AGAP5: variants seen among roughly 807,000 people sequenced by gnomAD.
AGAP5 encodes arf-GAP with GTPase, ANK repeat and PH domain-containing protein 5.
A neutral mutation model predicts 27.7 loss-of-function variants in AGAP5; 8 were observed. The observed-to-expected ratio is 0.29, with a 90% CI of 0.17 to 0.52. The LOEUF (loss-of-function observed/expected upper bound fraction) is 0.52. Ranked by LOEUF, AGAP5 falls within the 20% of genes least tolerant of loss-of-function variation. The pLI, the probability that AGAP5 is intolerant of heterozygous loss-of-function variation, is 0.97. For synonymous variants in AGAP5, 111 were observed against 338.0 expected (o/e 0.33, Z 7.37); for missense variants, 285 against 880.8 (o/e 0.32, Z 8.56).
chr10:73,694,445 TA>T (rs2082144436), intron 3 of AGAP5, among the ~76,000 whole-genome samples: 1 of 152,178 alleles, frequency 6.6e-6, no homozygotes, highest in Non-Finnish European at 1.5e-5. Context: ...CCATTAATTA[TA>T]AATAAAGATA....
In AGAP5 at chr10:73,697,962, T is replaced by C. The variant is rs1282266481; in HGVS notation, c.-207A>G. ...CTGCGGGTCAAGGCCCACACCCTGC[T>C]GCCTCCCCTGAGTTGACTTGTCTGG... On this transcript the variant is annotated 5_prime_UTR_variant, in exon 1 of 8. Coordinates refer to ENST00000374094, the MANE Select transcript of AGAP5 (RefSeq NM_001144000.4). 2 of 1,502,306 alleles carry C rather than the reference T, an allele frequency of 1.3e-6. No homozygotes were observed. The highest frequency in any genetic ancestry group is 1.8e-6 in the Non-Finnish European group (2 of 1,130,512). 93.1% of individuals were successfully genotyped at this position (1,502,306 alleles called of 1,614,324 possible). A position where few individuals can be genotyped will look rare whatever the true frequency, so the allele number is the denominator to read the frequency against.
In AGAP5 at chr10:73,674,737, C is replaced by A. The variant is rs2132436114; in HGVS notation, c.1923G>T (p.Gln641His). Residue 641 changes from glutamine (Q) to histidine (H), a missense_variant, in exon 8 of 8, where the codon CAG becomes CAT. Coordinates refer to ENST00000374094, the MANE Select transcript of AGAP5 (RefSeq NM_001144000.4). ...CGTCCACCCCGTACCAGATCAGGAG[C>A]TGTGCCAGGACCACATTCCCCTTGC... Reference protein sequence around the residue: ...ACRKGNVVLAQLLIWYGVDVM... With the variant: ...ACRKGNVVLAHLLIWYGVDVM... 6.2e-7 allele frequency: 1 copy of A among 1,612,144 alleles called. No homozygotes were observed. Among genetic ancestry groups the A allele is most frequent in the South Asian group, 1.1e-5 (1 of 90,996 alleles).
At chr10:73,679,194 G>A (rs1452857299) in intron 6 of AGAP5, among the ~76,000 whole-genome samples, 1 of 143,348 alleles carries the variant, frequency 7.0e-6, no homozygotes, top group African/African-American at 2.6e-5. Context: ...ACAGAGTCTT[G>A]CTCTGTCACC....
At chr10:73,689,365 G>A (rs1369299343) in intron 4 of AGAP5, among the ~76,000 whole-genome samples, 2 of 152,216 alleles carry the variant, frequency 1.3e-5, no homozygotes, top group Non-Finnish European at 2.9e-5. Flanking sequence ...AGCCTGCCTT[G>A]GCCTCCCAAA....
chr10:73,690,601 T>G (rs1314912607), intron 4 of AGAP5, among the ~76,000 whole-genome samples: 1 of 100,230 alleles, frequency 1.0e-5, no homozygotes, highest in African/African-American at 4.1e-5. Context: ...CCAAGAATGA[T>G]CAATTAAAAA....
At chr10:73,695,905 C>G (rs565315049) in intron 2 of AGAP5, among the ~76,000 whole-genome samples, 1 of 152,322 alleles carries the variant, frequency 6.6e-6, no homozygotes, top group African/African-American at 2.4e-5. Context: ...TTAGATTCAT[C>G]TCTTTGCAAA....
chr10:73,675,521 C>T lies in AGAP5; in HGVS notation c.1139G>A (p.Ser380Asn). Reference protein sequence around the residue: ...GLGDSICFSPSISSTTSPKLN... With the variant: ...GLGDSICFSPNISSTTSPKLN... Reference sequence around the variant, plus strand: ...CTTGGGGCTGGTGGTGCTGGAGATACTGGGGCTGAAGCATATGGAGTCACC... The same window carrying T: ...CTTGGGGCTGGTGGTGCTGGAGATATTGGGGCTGAAGCATATGGAGTCACC... The change falls in exon 8 of 8, where the codon AGT becomes AAT. Residue 380 changes from serine (S) to asparagine (N), a missense_variant. Coordinates refer to ENST00000374094, the MANE Select transcript of AGAP5 (RefSeq NM_001144000.4). 1 of 1,613,840 alleles carries T rather than the reference C, an allele frequency of 6.2e-7. No individual in the cohort carries two copies. Among genetic ancestry groups the T allele is most frequent in the South Asian group, 1.1e-5 (1 of 91,082 alleles).
chr10:73,675,091 G>A lies in AGAP5; in HGVS notation c.1569C>T (p.Asp523=). The A allele has an allele frequency of 6.2e-7, 1 of 1,611,930 alleles. No homozygotes were observed. The highest frequency in any genetic ancestry group is 8.5e-7 in the Non-Finnish European group (1 of 1,179,556). Residue 523 remains aspartate (D), a synonymous_variant, in exon 8 of 8, where the codon GAC becomes GAT. Coordinates refer to ENST00000374094, the MANE Select transcript of AGAP5 (RefSeq NM_001144000.4). The part of the protein sequence containing the change: ...LSRVRSLELD[D]WPVELRKVMS... ...TAACCTTCCTGAGCTCAACTGGCCA[G>A]TCATCCAGCTCCAGAGATCGCACAC... is the stretch of plus-strand genomic sequence containing the variant.
chr10:73,695,631 C>T (rs568104605), intron 2 of AGAP5, among the ~76,000 whole-genome samples: 9 of 152,278 alleles, frequency 5.9e-5, no homozygotes, highest in Non-Finnish European at 1.2e-4. Flanking sequence ...CCTTAAATAT[C>T]TTGAAATGTG....
rs2081966455 is a variant in AGAP5, at chr10:73,675,121, A to T, written c.1539T>A (p.Leu513=). The T allele has an allele frequency of 6.2e-7, 1 of 1,610,912 alleles. No individual in the cohort carries two copies. Among genetic ancestry groups the T allele is most frequent in the African/African-American group, 1.3e-5 (1 of 74,248 alleles). ...CCAGCTCCAGAGATCGCACACGGGA[A>T]AGGCGGGTGCCAAGACTGCGGTGGA... ...SGIHRSLGTR[L]SRVRSLELDD... Residue 513 remains leucine, a synonymous_variant, in exon 8 of 8, where the codon CTT becomes CTA. Transcript: ENST00000374094.
intron 4 of AGAP5, among the ~76,000 whole-genome samples, chr10:73,687,799 T>TA (rs2082077960): frequency 6.6e-6 from 1 of 152,182 alleles, no homozygotes; most frequent in Non-Finnish European, 1.5e-5. Context: ...AAATAAAGGT[T>TA]ACACCCATGA....
intron 2 of AGAP5, among the ~76,000 whole-genome samples, chr10:73,695,619 A>G (rs1282182480): frequency 1.3e-5 from 2 of 152,234 alleles, no homozygotes; most frequent in Non-Finnish European, 2.9e-5. Flanking sequence ...TTCTAAAGCA[A>G]TCCTTAAATA....
At chr10:73,685,150 C>CTGA (rs1461226857) in intron 4 of AGAP5, among the ~76,000 whole-genome samples, 1 of 67,978 alleles carries the variant, frequency 1.5e-5, no homozygotes, top group African/African-American at 6.1e-5. Flanking sequence ...TTCCTCTTTA[C>CTGA]TGATCTGCAT....
At chr10:73,689,197 C>T (rs561946565) in intron 4 of AGAP5, among the ~76,000 whole-genome samples, 5 of 152,360 alleles carry the variant, frequency 3.3e-5, no homozygotes, top group East Asian at 1.9e-4. Flanking sequence ...CTCTGTTGGC[C>T]GGGCTGGTCT....
chr10:73,679,387 C>G (rs906398716), intron 6 of AGAP5, among the ~76,000 whole-genome samples: 3 of 152,054 alleles, frequency 2.0e-5, no homozygotes, highest in African/African-American at 7.2e-5. Flanking sequence ...TGGTCTCGAT[C>G]TCCTGACCTT....
intron 3 of AGAP5, among the ~76,000 whole-genome samples, chr10:73,693,912 G>A (rs1368891927): frequency 6.6e-6 from 1 of 151,942 alleles, no homozygotes; most frequent in Non-Finnish European, 1.5e-5. Flanking sequence ...CCAGCCTTAG[G>A]TATCTCTTTA....
At chr10:73,692,745 C>T (rs1328443246) in intron 3 of AGAP5, among the ~76,000 whole-genome samples, 3 of 146,224 alleles carry the variant, frequency 2.1e-5, no homozygotes, top group Non-Finnish European at 4.5e-5. Flanking sequence ...TAGGTTCAAG[C>T]AATTCTTCAG....
At chr10:73,677,001 G>A (rs888005632) in intron 6 of AGAP5, among the ~76,000 whole-genome samples, 4 of 152,132 alleles carry the variant, frequency 2.6e-5, no homozygotes, top group Admixed American at 6.5e-5. Context: ...AAATGCCCAT[G>A]AATATTGACT....
chr10:73,694,399 G>A (rs1467147887), intron 3 of AGAP5, among the ~76,000 whole-genome samples: 5 of 151,770 alleles, frequency 3.3e-5, no homozygotes, highest in African/African-American at 1.2e-4. Flanking sequence ...TGTACTTTTT[G>A]GAGCAAGGGA....
Sources: allele counts gnomAD v4.1 joint callset (sites outside exome capture counted in the v4.1 genomes callset), GRCh38; gene constraint gnomAD v4.1.1; transcripts MANE v1.5; gene names NCBI Gene and HGNC (gene_info 2026-07-23, HGNC 2026-07-21).